Variants in COL6A6 observed in about 807,000 individuals in gnomAD.
COL6A6 encodes the protein collagen alpha-6(VI) chain.
A neutral mutation model predicts 208.6 loss-of-function variants in COL6A6; 183 were observed. The observed-to-expected ratio is 0.88, with a 90% confidence interval of 0.78 to 0.99. The LOEUF is 0.99. Ranked by LOEUF, COL6A6 falls within the 50% of genes least tolerant of loss-of-function variation. The probability of loss-of-function intolerance (pLI) is 0.00; values close to 1 mark genes in which losing one functional copy is unlikely to be tolerated. For synonymous variants in COL6A6, 973 were observed against 1,011.8 expected, an observed-to-expected ratio of 0.96 and a Z score of 0.73; for missense variants, 2,816 against 2,815.2, an observed-to-expected ratio of 1.00 and a Z score of -0.01.
chr3:130,554,074 G>T (rs990177144), intron 1 of COL6A6, among the ~76,000 whole-genome samples: 1 of 152,188 alleles, frequency 6.6e-6, no homozygotes, highest in African/African-American at 2.4e-5. Context: ...CTACTGTGCT[G>T]AAGGGGCCAA....
At position 130,565,240 on chromosome 3, in the gene COL6A6, C is replaced by T. The variant is rs748377563; in HGVS notation, c.908C>T (p.Thr303Ile). The part of the protein sequence containing the change: ...LQHIQNLSPR[T>I]GKAYTGAAIK... ...CATATACAGAACCTTTCTCCCCGAA[C>T]TGGGAAGGCCTATACTGGAGCTGCC... is the stretch of plus-strand genomic sequence containing the variant. The change falls in exon 4 of 37, where the codon ACT becomes ATT. Residue 303 changes from threonine (T) to isoleucine (I), a missense_variant. Transcript: ENST00000358511. 2 of 1,613,986 alleles carry T rather than the reference C, an allele frequency of 1.2e-6. No homozygotes were observed. Among genetic ancestry groups the T allele is most frequent in the Non-Finnish European group, 1.7e-6 (2 of 1,179,892 alleles).
At chr3:130,608,728 T>C (rs1245092020) in intron 21 of COL6A6, among the ~76,000 whole-genome samples, 174 bp from the exon 22 acceptor site, 3 of 151,534 alleles carry the variant, frequency 2.0e-5, no homozygotes, top group Non-Finnish European at 4.4e-5. Flanking sequence ...AGATTATAGA[T>C]TTTTATTTTC....
intron 6 of COL6A6, among the ~76,000 whole-genome samples, chr3:130,569,088 C>A (rs577969818): frequency 6.6e-6 from 1 of 152,248 alleles, no homozygotes; most frequent in African/African-American, 2.4e-5. Context: ...GCCCTGTGTA[C>A]CCTGTGTCAC....
chr3:130,533,236 C>A (rs1370659788), intron 1 of COL6A6, among the ~76,000 whole-genome samples: 1 of 142,104 alleles, frequency 7.0e-6, no homozygotes, highest in East Asian at 2.0e-4. Context: ...TCTTTCATAG[C>A]CTTACATCCC....
intron 1 of COL6A6, among the ~76,000 whole-genome samples, chr3:130,532,218 C>A (rs2062113617): frequency 6.6e-6 from 1 of 152,156 alleles, no homozygotes; most frequent in South Asian, 2.1e-4. Context: ...AGCATTTCTC[C>A]CTACCCCTAT....
chr3:130,569,466 G>C (rs892634513), intron 6 of COL6A6, among the ~76,000 whole-genome samples: 1 of 152,138 alleles, frequency 6.6e-6, no homozygotes, highest in Non-Finnish European at 1.5e-5. Context: ...GTGACCCATA[G>C]GGCTTGATGA....
chr3:130,586,117 G>A (rs1325783616), intron 10 of COL6A6, among the ~76,000 whole-genome samples: 2 of 152,128 alleles, frequency 1.3e-5, no homozygotes, highest in Non-Finnish European at 2.9e-5. Flanking sequence ...ACCATGCCCA[G>A]CTAATTTTGT....
intron 20 of COL6A6, among the ~76,000 whole-genome samples, chr3:130,604,996 G>A (rs953255334): frequency 1.2e-4 from 19 of 152,212 alleles, no homozygotes; most frequent in African/African-American, 4.6e-4. Flanking sequence ...ATGTTGTGGG[G>A]ACCTTTCAGC....
chr3:130,633,918 G>A (rs2065017604), intron 26 of COL6A6, among the ~76,000 whole-genome samples: 1 of 37,480 alleles, frequency 2.7e-5, no homozygotes, highest in Non-Finnish European at 3.7e-5. Context: ...CGGGGGAGGG[G>A]GGAGGGATAG....
In COL6A6 at chr3:130,641,642, C is replaced by A. The variant is rs756860912; in HGVS notation, c.5092-10C>A. The A allele has an allele frequency of 2.6e-6, 4 of 1,516,116 alleles. No individual in the cohort carries two copies. The highest frequency in any genetic ancestry group is 1.2e-5 in the South Asian group (1 of 84,298). The allele number at this position is 1,516,116 out of a possible 1,614,324, so 93.9% of individuals were successfully genotyped here. ...TATAAATACAATTTTAAAATAAATT[C>A]TCCTTTGAGATATCTGCTGGGCTTC... On this transcript the variant is annotated splice_polypyrimidine_tract_variant and intron_variant, in intron 28 of 36. Coordinates refer to ENST00000358511, the MANE Select transcript of COL6A6 (RefSeq NM_001102608.3).
In COL6A6 at chr3:130,649,324, C is replaced by T. The variant is rs759142862; in HGVS notation, c.5495C>T (p.Pro1832Leu). The T allele has an allele frequency of 1.8e-5, 29 of 1,608,746 alleles. No individual in the cohort carries two copies. The highest frequency in any genetic ancestry group is 2.5e-5 in the Non-Finnish European group (29 of 1,177,714). Residue 1832 changes from proline (P) to leucine (L), a missense_variant, in exon 33 of 37, where the codon CCT (proline) becomes CTT (leucine). Physicochemically the swap from Pro to Leu is moderately conservative, Grantham distance 98 (BLOSUM62 -3). Coordinates refer to ENST00000358511, the MANE Select transcript of COL6A6 (RefSeq NM_001102608.3). ...SQLLREIETIPYERSSASREI... is the reference protein window; with the variant it reads ...SQLLREIETILYERSSASREI... The stretch of plus-strand genomic sequence containing the variant: ...CTTCTCAGAGAAATTGAAACTATTC[C>T]TTATGAGAGATCCTCTGCCAGCAGG...
chr3:130,612,279 A>C lies in COL6A6; in HGVS notation c.4815+1568A>C, dbSNP rs112874051. 3.9e-3 allele frequency among the ~76,000 whole-genome samples: 594 copies of C among 152,248 alleles called. 2 individuals are homozygous for C. The highest frequency in any genetic ancestry group is 0.013 in the African/African-American group (555 of 41,534). On this transcript the variant is annotated intron_variant, in intron 23 of 36. Coordinates refer to ENST00000358511, the MANE Select transcript of COL6A6 (RefSeq NM_001102608.3). Reference sequence around the variant, plus strand: ...GTGTCTTTATGGTAGGATGATTTATATTCTTTTGGGTAAATAATAATGGGA... The same window carrying C: ...GTGTCTTTATGGTAGGATGATTTATCTTCTTTTGGGTAAATAATAATGGGA...
chr3:130,626,501 T>C lies in COL6A6; in HGVS notation c.4895T>C (p.Leu1632Pro). Residue 1632 changes from leucine (L) to proline (P), a missense_variant, in exon 25 of 37, where the codon CTG (leucine) becomes CCG (proline). Physicochemically the swap from Leu to Pro is moderately conservative, Grantham distance 98. Transcript: ENST00000358511. ...GTTTAACAGGGAGAACCTGGAGATC[T>C]GGGAGAAAAAGGAGCTGTTGGCTTT... is the stretch of plus-strand genomic sequence containing the variant. ...SQGNKGEPGD[L>P]GEKGAVGFPG... 1.9e-6 allele frequency: 3 copies of C among 1,613,348 alleles called. No individual in the cohort carries two copies. Among genetic ancestry groups the C allele is most frequent in the African/African-American group, 1.3e-5 (1 of 75,050 alleles).
chr3:130,645,139 G>A (rs2065430406), intron 32 of COL6A6, 137 bp downstream of exon 32: 1 of 799,318 alleles, frequency 1.3e-6, no homozygotes, highest in East Asian at 2.5e-5. Flanking sequence ...GCCTCATACT[G>A]GTAGCAGAGT....
At chr3:130,609,263 C>T (rs779421091) in intron 22 of COL6A6, among the ~76,000 whole-genome samples, 5 of 152,132 alleles carry the variant, frequency 3.3e-5, no homozygotes, top group Non-Finnish European at 7.3e-5. Context: ...AATGTTGAAC[C>T]TCAGATCTGG....
At chr3:130,642,271 GTGT>G (rs2065336412) in intron 29 of COL6A6, among the ~76,000 whole-genome samples, 1 of 150,348 alleles carries the variant, frequency 6.7e-6, no homozygotes, top group Non-Finnish European at 1.5e-5. Context: ...GTGTGTGTGT[GTGT>G]GTGTGTGTGT....
chr3:130,655,423 T>C (rs762002347), intron 33 of COL6A6, among the ~76,000 whole-genome samples: 1 of 152,162 alleles, frequency 6.6e-6, no homozygotes, highest in Non-Finnish European at 1.5e-5. Context: ...TCTAATTGGA[T>C]GCAATCCTAT....
intron 11 of COL6A6, 88 bp from the exon 12 acceptor site, chr3:130,589,002 T>C: frequency 1.1e-6 from 1 of 888,418 alleles, no homozygotes; most frequent in Admixed American, 2.2e-5. Context: ...GAAACTGTGG[T>C]AGAAGTCTGG....
chr3:130,525,821 C>T (rs2061949958), intron 1 of COL6A6, among the ~76,000 whole-genome samples: 1 of 152,170 alleles, frequency 6.6e-6, no homozygotes, highest in Non-Finnish European at 1.5e-5. Flanking sequence ...TCCTCCCTTC[C>T]TGGAACATCA....
Sources: gnomAD v4.1 joint callset for allele counts (sites outside exome capture counted in the v4.1 genomes callset) on GRCh38, gnomAD v4.1.1 for gene constraint, MANE v1.5 for transcripts, NCBI Gene and HGNC (gene_info 2026-07-23, HGNC 2026-07-21) for gene names.